The following TRPC7 variants were observed in gnomAD, a reference collection of about 807,000 sequenced individuals.
TRPC7 encodes the protein short transient receptor potential channel 7.
A neutral mutation model predicts 90.1 loss-of-function variants in TRPC7; 42 were observed. The observed-to-expected ratio is 0.47, with a 90% confidence interval of 0.36 to 0.60. The LOEUF (loss-of-function observed/expected upper bound fraction) is 0.60. Ranked by LOEUF, TRPC7 falls within the 20% of genes least tolerant of loss-of-function variation. The probability of loss-of-function intolerance (pLI) is 0.00; values close to 1 mark genes in which losing one functional copy is unlikely to be tolerated. For synonymous variants in TRPC7, 451 were observed against 436.3 expected (o/e 1.03, Z -0.42); for missense variants, 955 against 1,112.3 (o/e 0.86, Z 2.01).
chr5:136,316,403 G>A (rs57128301), intron 2 of TRPC7, among the ~76,000 whole-genome samples: 13 of 152,290 alleles, frequency 8.5e-5, no homozygotes, highest in African/African-American at 3.1e-4. Context: ...AAATCGGCTT[G>A]TAAATTATAC....
intron 3 of TRPC7, among the ~76,000 whole-genome samples, chr5:136,299,100 G>A (rs1039591313): frequency 2.0e-5 from 3 of 151,982 alleles, no homozygotes; most frequent in African/African-American, 4.8e-5. Context: ...TTGGGAGTTC[G>A]AGACCAGCCT....
intron 3 of TRPC7, among the ~76,000 whole-genome samples, chr5:136,307,597 A>G (rs951043249): frequency 2.0e-5 from 3 of 152,354 alleles, no homozygotes; most frequent in East Asian, 3.9e-4. Context: ...GGTTCTCAAC[A>G]GGGAATTATT....
At chr5:136,350,024 T>C (rs909215851) in intron 2 of TRPC7, among the ~76,000 whole-genome samples, 1 of 152,214 alleles carries the variant, frequency 6.6e-6, no homozygotes, top group Non-Finnish European at 1.5e-5. Flanking sequence ...CACAGGTTTA[T>C]AGCCTAGGAG....
At chr5:136,236,388 GATCATCA>G (rs1755982641) in intron 7 of TRPC7, among the ~76,000 whole-genome samples, 1 of 152,176 alleles carries the variant, frequency 6.6e-6, no homozygotes, top group Non-Finnish European at 1.5e-5. Flanking sequence ...AATCTTCAAA[GATCATCA>G]CAGACCCTTG....
chr5:136,364,967 A>C (rs1453764356), intron 1 of TRPC7, among the ~76,000 whole-genome samples: 2 of 151,966 alleles, frequency 1.3e-5, no homozygotes, highest in Admixed American at 6.6e-5. Context: ...ACACCTATAC[A>C]CTCATCTAGG....
In TRPC7 at chr5:136,356,957, T is replaced by C. The variant is rs201529246; in HGVS notation, c.431A>G (p.Gln144Arg). The change falls in exon 2 of 12, where the codon CAG becomes CGG. Residue 144 changes from glutamine to arginine, a missense_variant. Physicochemically the swap from Gln to Arg is conservative, Grantham distance 43. Around this residue, in one of 4 missense-constraint regions of TRPC7, gnomAD observed 484 missense variants for 509.6 expected, o/e 0.95. Transcript: ENST00000513104. Reference sequence around the variant, plus strand: ...ATAGAAGTCGTCGTCGCGCAGCTCCTGTTCCAGCGGGCTGAGCGTCAGGCG... The same window carrying C: ...ATAGAAGTCGTCGTCGCGCAGCTCCCGTTCCAGCGGGCTGAGCGTCAGGCG... ...GQRLTLSPLE[Q>R]ELRDDDFYAY... 17 of 1,612,616 alleles carry C rather than the reference T, an allele frequency of 1.1e-5. No homozygotes were observed. In the African/African-American group the frequency reaches 2.1e-4, roughly 20 times the overall value.
At chr5:136,232,276 G>A (rs1755844163) in intron 7 of TRPC7, among the ~76,000 whole-genome samples, 1 of 152,176 alleles carries the variant, frequency 6.6e-6, no homozygotes, top group Non-Finnish European at 1.5e-5. Flanking sequence ...GGGGAGTGAT[G>A]GCAGACACCT....
intron 10 of TRPC7, among the ~76,000 whole-genome samples, chr5:136,222,493 G>A (rs1755494567): frequency 1.3e-5 from 2 of 152,184 alleles, no homozygotes; most frequent in South Asian, 4.1e-4. Flanking sequence ...TGCACATTTG[G>A]AAGCTGCTGT....
chr5:136,338,755 A>G (rs1239976701), intron 2 of TRPC7, among the ~76,000 whole-genome samples: 4 of 152,146 alleles, frequency 2.6e-5, no homozygotes, highest in South Asian at 4.1e-4. Flanking sequence ...AGTTTTCTTG[A>G]TTGGCATTAA....
At chr5:136,320,363 C>T (rs898368027) in intron 2 of TRPC7, among the ~76,000 whole-genome samples, 9 of 152,142 alleles carry the variant, frequency 5.9e-5, no homozygotes, top group African/African-American at 1.4e-4. Context: ...CTGGTCTCTC[C>T]GACTCTGTCC....
At chr5:136,304,721 A>T (rs1758544668) in intron 3 of TRPC7, among the ~76,000 whole-genome samples, 2 of 152,296 alleles carry the variant, frequency 1.3e-5, no homozygotes, top group South Asian at 2.1e-4. Context: ...CCCAAATTTC[A>T]TCCTCATCTG....
intron 8 of TRPC7, among the ~76,000 whole-genome samples, chr5:136,230,984 G>A (rs1324521095): frequency 6.6e-6 from 1 of 152,188 alleles, no homozygotes; most frequent in East Asian, 1.9e-4. Flanking sequence ...GTGCGGATTT[G>A]GCATACAGTA....
At chr5:136,295,208 C>A (rs1350025470) in intron 3 of TRPC7, among the ~76,000 whole-genome samples, 1 of 152,084 alleles carries the variant, frequency 6.6e-6, no homozygotes, top group Non-Finnish European at 1.5e-5. Context: ...TTAATGGGTG[C>A]AGCACACCAA....
At chr5:136,307,693 T>C (rs1341858340) in intron 3 of TRPC7, among the ~76,000 whole-genome samples, 1 of 152,102 alleles carries the variant, frequency 6.6e-6, no homozygotes, top group African/African-American at 2.4e-5. Flanking sequence ...AGGGTGCTAC[T>C]GGATAGAGTC....
chr5:136,297,304 C>T (rs1758213654), intron 3 of TRPC7, among the ~76,000 whole-genome samples: 1 of 152,146 alleles, frequency 6.6e-6, no homozygotes, highest in South Asian at 2.1e-4. Flanking sequence ...ACAGATGTAG[C>T]TGATAATGGG....
rs1340970418 is a variant in TRPC7, at chr5:136,213,083, C to T, written c.*352G>A. On this transcript the variant is annotated 3_prime_UTR_variant, in exon 12 of 12. Transcript: ENST00000513104. Reference sequence around the variant, plus strand: ...CCAGGACACAGCCAGAGCTGCAGTCCCACCTGCAGTGGGAGGGCACAGGTG... The same window carrying T: ...CCAGGACACAGCCAGAGCTGCAGTCTCACCTGCAGTGGGAGGGCACAGGTG... Among the ~76,000 whole-genome samples the T allele has an allele frequency of 6.6e-6, 1 of 152,078 alleles. No homozygotes were observed. The highest frequency in any genetic ancestry group is 1.5e-5 in the Non-Finnish European group (1 of 68,004).
At chr5:136,228,112 G>A (rs917378065) in intron 8 of TRPC7, among the ~76,000 whole-genome samples, 1 of 152,190 alleles carries the variant, frequency 6.6e-6, no homozygotes, top group Non-Finnish European at 1.5e-5. Flanking sequence ...CAAGAGTACA[G>A]GGTTATAATC....
At chr5:136,347,798 C>G (rs1760056710) in intron 2 of TRPC7, among the ~76,000 whole-genome samples, 1 of 152,198 alleles carries the variant, frequency 6.6e-6, no homozygotes, top group South Asian at 2.1e-4. Context: ...AGAGCTGTCT[C>G]TGTTCTGCTT....
chr5:136,244,418 G>A (rs929122275), intron 7 of TRPC7, among the ~76,000 whole-genome samples: 1 of 152,224 alleles, frequency 6.6e-6, no homozygotes. Context: ...GTAGAGGAGG[G>A]AAGAGAGGGA....
Sources: gnomAD v4.1 joint callset for allele counts (sites outside exome capture counted in the v4.1 genomes callset) on GRCh38, gnomAD v4.1.1 for gene constraint, gnomAD v4.1.1 regional missense constraint, MANE v1.5 for transcripts, NCBI Gene and HGNC (gene_info 2026-07-23, HGNC 2026-07-21) for gene names.